Variants in NBEA observed in about 807,000 individuals in gnomAD.
NBEA encodes the protein neurobeachin, also known as lysosomal-trafficking regulator 2.
A neutral mutation model predicts 343.4 loss-of-function variants in NBEA; 44 were observed. The ratio of observed to expected loss-of-function variants is 0.13; its 90% CI spans 0.10 to 0.16. The LOEUF is 0.16. Among genes scored for constraint, NBEA ranks in the 10% least tolerant of loss-of-function variants. The pLI is 1.00. For missense variants in NBEA, 2,555 were observed against 3,631.3 expected (o/e 0.70, Z 7.62); for synonymous variants, 1,175 against 1,238.7 (o/e 0.95, Z 1.08).
chr13:35,466,399 C>G lies in NBEA; in HGVS notation c.6449-6001C>G, dbSNP rs151314057. Reference sequence around the variant, plus strand: ...TGAATATGTTGGGGAGGAAGTAGTACTGAAGTTTAACTTCATAACCCTTAA... The same window carrying G: ...TGAATATGTTGGGGAGGAAGTAGTAGTGAAGTTTAACTTCATAACCCTTAA... On this transcript the variant is annotated intron_variant, in intron 40 of 58. Coordinates refer to ENST00000379939, the MANE Select transcript of NBEA (RefSeq NM_001385012.1). 2.3e-3 allele frequency among the ~76,000 whole-genome samples: 353 copies of G among 152,272 alleles called. 1 individual carries two copies. Among genetic ancestry groups the G allele is most frequent in the African/African-American group, 8.2e-3 (339 of 41,546 alleles).
chr13:35,133,794 A>G (rs1353268974), intron 17 of NBEA, among the ~76,000 whole-genome samples: 2 of 152,064 alleles, frequency 1.3e-5, no homozygotes, highest in Non-Finnish European at 2.9e-5. Context: ...AAGTATAAAG[A>G]CGTACATGGG....
At chr13:35,413,360 G>T (rs913897367) in intron 38 of NBEA, among the ~76,000 whole-genome samples, 2 of 151,988 alleles carry the variant, frequency 1.3e-5, no homozygotes, top group South Asian at 4.1e-4. Context: ...TGTATTTTTT[G>T]TGTGTATTTA....
intron 34 of NBEA, among the ~76,000 whole-genome samples, chr13:35,239,456 C>T (rs1472576372): frequency 4.0e-5 from 6 of 151,890 alleles, no homozygotes; most frequent in African/African-American, 1.4e-4. Context: ...GTAATATTAT[C>T]GATATTACAA....
Position 35,654,700 on chromosome 13 carries a change from T to C in NBEA, c.8036-155T>C, listed in dbSNP as rs1434156339. Among the ~76,000 whole-genome samples the C allele has an allele frequency of 3.9e-5, 6 of 152,326 alleles. No homozygotes were observed. In the East Asian group the frequency reaches 1.2e-3, roughly 29 times the overall value. ...TCATAAATAATTACTGCGAAGGAAA[T>C]TTATATTCCTCAAGGGAGAATCTTA... is the stretch of plus-strand genomic sequence containing the variant. On this transcript the variant is annotated intron_variant, in intron 53 of 58. Transcript: ENST00000379939.
At chr13:35,613,419 A>G (rs1351396667) in intron 48 of NBEA, among the ~76,000 whole-genome samples, 5 of 152,002 alleles carry the variant, frequency 3.3e-5, no homozygotes, top group Admixed American at 1.3e-4. Flanking sequence ...CATTGTTTAT[A>G]TATACCATAT....
Position 35,215,985 on chromosome 13 carries a change from T to A in NBEA, c.5648+4806T>A, listed in dbSNP as rs537250851. Among the ~76,000 whole-genome samples, 8 of 151,632 alleles carry A rather than the reference T, an allele frequency of 5.3e-5. No homozygotes were observed. In the East Asian group the frequency reaches 5.8e-4, roughly 11 times the overall value. On this transcript the variant is annotated intron_variant, in intron 33 of 58. Coordinates refer to ENST00000379939, the MANE Select transcript of NBEA (RefSeq NM_001385012.1). ...TATTGCCATAAATTCTTTGTAATTT[T>A]AAAAATTTTATTATTAATATTTTAA...
At chr13:34,958,452 C>A (rs2059565014) in intron 1 of NBEA, among the ~76,000 whole-genome samples, 1 of 151,490 alleles carries the variant, frequency 6.6e-6, no homozygotes, top group Non-Finnish European at 1.5e-5. Context: ...GGGAGGAGAC[C>A]CTCTAATGCC....
intron 17 of NBEA, among the ~76,000 whole-genome samples, chr13:35,135,473 A>ATTTTT (rs2067664352): frequency 4.6e-5 from 7 of 152,188 alleles, no homozygotes; most frequent in Non-Finnish European, 8.8e-5. Context: ...AATACAGTAA[A>ATTTTT]TGGAGAGCTA....
chr13:34,961,439 T>C, intron 1 of NBEA, among the ~76,000 whole-genome samples: 1 of 152,120 alleles, frequency 6.6e-6, no homozygotes, highest in East Asian at 1.9e-4. Flanking sequence ...AGATGATCTA[T>C]TCTTTTGCTC....
chr13:35,011,299 A>G (rs1432030020), intron 1 of NBEA, among the ~76,000 whole-genome samples: 1 of 152,156 alleles, frequency 6.6e-6, no homozygotes, highest in East Asian at 1.9e-4. Flanking sequence ...GGAAAAGGAA[A>G]TAGATCTGGG....
At chr13:34,977,133 T>G (rs987385771) in intron 1 of NBEA, among the ~76,000 whole-genome samples, 5 of 151,996 alleles carry the variant, frequency 3.3e-5, no homozygotes, top group African/African-American at 4.8e-5. Context: ...AGAGATGATA[T>G]TTCTTCTTGT....
intron 30 of NBEA, among the ~76,000 whole-genome samples, chr13:35,191,693 G>T (rs942303770): frequency 2.0e-5 from 3 of 151,900 alleles, no homozygotes; most frequent in African/African-American, 7.2e-5. Flanking sequence ...TTAAATTACA[G>T]TGATTTAGTT....
intron 41 of NBEA, among the ~76,000 whole-genome samples, chr13:35,484,532 G>A (rs1303237190): frequency 6.6e-6 from 1 of 151,638 alleles, no homozygotes; most frequent in Admixed American, 6.6e-5. Context: ...ATTTAGCCAC[G>A]GGCATCTGTA....
intron 41 of NBEA, among the ~76,000 whole-genome samples, chr13:35,473,276 A>G (rs2075733518): frequency 6.6e-6 from 1 of 152,194 alleles, no homozygotes; most frequent in Admixed American, 6.5e-5. Context: ...TGCAATTTGC[A>G]AACTTCTATT....
chr13:34,959,640 A>G (rs1751756209), intron 1 of NBEA, among the ~76,000 whole-genome samples: 1 of 152,096 alleles, frequency 6.6e-6, no homozygotes, highest in Admixed American at 6.6e-5. Flanking sequence ...TCATTTCCAT[A>G]AGTGTCATAG....
At chr13:35,018,087 A>G (rs1380491727) in intron 1 of NBEA, among the ~76,000 whole-genome samples, 4 of 151,922 alleles carry the variant, frequency 2.6e-5, no homozygotes, top group African/African-American at 7.2e-5. Flanking sequence ...TGGACTTTCT[A>G]TTATGTTCTG....
chr13:35,243,576 AT>A (rs1259225908), intron 34 of NBEA, among the ~76,000 whole-genome samples: 1 of 151,900 alleles, frequency 6.6e-6, no homozygotes, highest in East Asian at 1.9e-4. Context: ...AGAAAATGAT[AT>A]TCTGTCCAAA....
chr13:35,294,951 G>A (rs1396812822), intron 35 of NBEA, among the ~76,000 whole-genome samples: 1 of 151,430 alleles, frequency 6.6e-6, no homozygotes, highest in Non-Finnish European at 1.5e-5. Context: ...GAATGAGTCT[G>A]TTCAACAGTG....
intron 35 of NBEA, among the ~76,000 whole-genome samples, chr13:35,302,394 TG>T (rs1247557248): frequency 6.6e-6 from 1 of 152,222 alleles, no homozygotes; most frequent in Non-Finnish European, 1.5e-5. Context: ...AGTTCATAAT[TG>T]TTCATGTAGT....
Sources: gnomAD v4.1 joint callset for allele counts (sites outside exome capture counted in the v4.1 genomes callset) on GRCh38, gnomAD v4.1.1 for gene constraint, MANE v1.5 for transcripts, NCBI Gene and HGNC (gene_info 2026-07-23, HGNC 2026-07-21) for gene names.